CNTN4: variants seen among roughly 807,000 people sequenced by gnomAD.
The protein encoded by CNTN4 is contactin 4, also known as contactin-4.
CNTN4 carries 77 observed loss-of-function variants against 122.5 expected under a neutral mutation model. The ratio of observed to expected loss-of-function variants is 0.63; its 90% CI spans 0.52 to 0.76. The LOEUF is 0.76. Among genes scored for constraint, CNTN4 ranks in the 30% least tolerant of loss-of-function variants. CNTN4 has a pLI of 0.00. For missense variants in CNTN4, 1,256 were observed against 1,259.1 expected, an observed-to-expected ratio of 1.00 and a Z score of 0.04; for synonymous variants, 512 against 447.0, an observed-to-expected ratio of 1.15 and a Z score of -1.83.
intron 12 of CNTN4, among the ~76,000 whole-genome samples, chr3:2,903,776 C>T (rs1348751368): frequency 6.6e-6 from 1 of 151,914 alleles, no homozygotes; most frequent in East Asian, 1.9e-4. Flanking sequence ...TCTTTTTCTT[C>T]CACTGCATTT....
intron 10 of CNTN4, among the ~76,000 whole-genome samples, chr3:2,889,577 T>C (rs1319630662): frequency 6.6e-6 from 1 of 151,196 alleles, no homozygotes; most frequent in Non-Finnish European, 1.5e-5. Context: ...ACCAATGTAA[T>C]AATTATTTTT....
chr3:2,197,063 A>AG (rs1270476341), intron 2 of CNTN4, among the ~76,000 whole-genome samples: 1 of 148,658 alleles, frequency 6.7e-6, no homozygotes, highest in African/African-American at 2.5e-5. Flanking sequence ...AAAAAAAAAA[A>AG]AAAAAAAGAA....
chr3:2,671,628 G>A (rs534503255), intron 4 of CNTN4, among the ~76,000 whole-genome samples: 4 of 152,298 alleles, frequency 2.6e-5, no homozygotes, highest in Admixed American at 2.6e-4. Flanking sequence ...TCTGTTGCTG[G>A]TGAGGAGCTG....
chr3:2,446,861 T>G (rs1363850886), intron 3 of CNTN4, among the ~76,000 whole-genome samples: 2 of 152,192 alleles, frequency 1.3e-5, no homozygotes, highest in Non-Finnish European at 2.9e-5. Flanking sequence ...CCAAGTTAAA[T>G]CCAGCCTGCT....
At chr3:2,687,026 G>A (rs1179280555) in intron 4 of CNTN4, among the ~76,000 whole-genome samples, 4 of 150,778 alleles carry the variant, frequency 2.7e-5, no homozygotes, top group Non-Finnish European at 4.5e-5. Flanking sequence ...AGGTGTTAAT[G>A]AAGCCACAGG....
At chr3:2,382,695 GGTATGCCA>G (rs2046072875) in intron 3 of CNTN4, among the ~76,000 whole-genome samples, 1 of 152,170 alleles carries the variant, frequency 6.6e-6, no homozygotes, top group African/African-American at 2.4e-5. Context: ...TACCCTGTTA[GGTATGCCA>G]GTGCTGTGAG....
At chr3:2,730,171 G>A (rs1226296680) in intron 4 of CNTN4, among the ~76,000 whole-genome samples, 1 of 152,142 alleles carries the variant, frequency 6.6e-6, no homozygotes, top group Non-Finnish European at 1.5e-5. Context: ...TATATATAAT[G>A]AGATATCCTC....
intron 2 of CNTN4, among the ~76,000 whole-genome samples, chr3:2,294,675 C>CT (rs566759273): frequency 6.6e-6 from 1 of 152,044 alleles, no homozygotes; most frequent in Non-Finnish European, 1.5e-5. Flanking sequence ...CTAATTCTTT[C>CT]TTTTTTTAAT....
At chr3:2,357,692 T>C (rs2150510034) in intron 3 of CNTN4, among the ~76,000 whole-genome samples, 1 of 152,320 alleles carries the variant, frequency 6.6e-6, no homozygotes, top group Non-Finnish European at 1.5e-5. Context: ...CTTAGATTTA[T>C]TAAGGACCTT....
intron 3 of CNTN4, among the ~76,000 whole-genome samples, chr3:2,516,648 CCTT>C (rs2077047449): frequency 6.6e-6 from 1 of 152,028 alleles, no homozygotes; most frequent in African/African-American, 2.4e-5. Flanking sequence ...GAAGGGAAGT[CCTT>C]CTGCATTTTT....
At chr3:2,848,123 C>T (rs1166358029) in intron 7 of CNTN4, among the ~76,000 whole-genome samples, 1 of 152,104 alleles carries the variant, frequency 6.6e-6, no homozygotes. Flanking sequence ...TAGTGGCATA[C>T]ACCTGTAGTC....
intron 7 of CNTN4, among the ~76,000 whole-genome samples, chr3:2,839,264 A>T (rs1411735704): frequency 6.6e-6 from 1 of 152,198 alleles, no homozygotes; most frequent in African/African-American, 2.4e-5. Flanking sequence ...AATTGCTTTA[A>T]AAAAGAATTC....
At chr3:2,201,431 T>G (rs1438828658) in intron 2 of CNTN4, among the ~76,000 whole-genome samples, 1 of 152,164 alleles carries the variant, frequency 6.6e-6, no homozygotes, top group African/African-American at 2.4e-5. Flanking sequence ...AGAGAATCAC[T>G]TAATCAACAG....
chr3:2,195,279 T>C (rs2037783048), intron 2 of CNTN4, among the ~76,000 whole-genome samples: 1 of 152,240 alleles, frequency 6.6e-6, no homozygotes. Context: ...CTGAATAGTA[T>C]TCCATTGTCT....
chr3:2,829,102 A>G (rs1390677174), intron 7 of CNTN4, among the ~76,000 whole-genome samples: 4 of 152,186 alleles, frequency 2.6e-5, no homozygotes, highest in Admixed American at 6.5e-5. Flanking sequence ...TTTGAAAGAT[A>G]TGAACTTGGA....
intron 2 of CNTN4, among the ~76,000 whole-genome samples, chr3:2,310,678 C>T (rs2042881865): frequency 6.6e-6 from 1 of 152,082 alleles, no homozygotes; most frequent in East Asian, 1.9e-4. Flanking sequence ...ATATCGAGCA[C>T]CTGTGAGACT....
At chr3:2,608,096 C>T (rs1016123804) in intron 4 of CNTN4, among the ~76,000 whole-genome samples, 1 of 152,058 alleles carries the variant, frequency 6.6e-6, no homozygotes, top group Non-Finnish European at 1.5e-5. Context: ...AAGATCTAAC[C>T]AAGGGACTGA....
intron 13 of CNTN4, among the ~76,000 whole-genome samples, chr3:2,963,630 C>T (rs141784171): frequency 6.6e-6 from 1 of 152,318 alleles, no homozygotes; most frequent in East Asian, 1.9e-4. Context: ...CAAAGAGAGG[C>T]CTTCCATGTT....
chr3:2,680,829 G>A (rs2085125515), intron 4 of CNTN4, among the ~76,000 whole-genome samples: 1 of 152,128 alleles, frequency 6.6e-6, no homozygotes, highest in South Asian at 2.1e-4. Context: ...GGAAATAACA[G>A]TAACAGTAAT....
Sources: allele counts gnomAD v4.1 joint callset (sites outside exome capture counted in the v4.1 genomes callset), GRCh38; gene constraint gnomAD v4.1.1; transcripts MANE v1.5; gene names NCBI Gene and HGNC (gene_info 2026-07-23, HGNC 2026-07-21).